Variants in TRIP12 observed in about 807,000 individuals in gnomAD.
TRIP12 encodes the protein E3 ubiquitin-protein ligase TRIP12.
Under a neutral mutation model 244.2 loss-of-function variants are expected in TRIP12, and 25 were observed. The ratio of observed to expected loss-of-function variants is 0.10; its 90% CI spans 0.07 to 0.14. The LOEUF (loss-of-function observed/expected upper bound fraction) is 0.14. TRIP12 is among the 10% of genes least tolerant of loss of function. TRIP12 has a pLI of 1.00. For missense variants in TRIP12, 1,677 were observed against 2,486.4 expected (o/e 0.67, Z 6.92); for synonymous variants, 905 against 873.1 (o/e 1.04, Z -0.64).
chr2:229,813,798 A>T, intron 13 of TRIP12, 72 bp downstream of exon 13: 6 of 1,121,766 alleles, frequency 5.3e-6, no homozygotes, highest in Non-Finnish European at 6.9e-6. Flanking sequence ...AAAATAAAAT[A>T]AAATAAAATA....
Position 229,911,840 on chromosome 2 carries a change from T to G in TRIP12, c.-50+10040A>C, listed in dbSNP as rs115403106. Reference sequence around the variant, plus strand: ...TATTAATTTGTACTTTTTAAAAGTATTTACATATTTATCCCAGAGTCAGTA... The same window carrying G: ...TATTAATTTGTACTTTTTAAAAGTAGTTACATATTTATCCCAGAGTCAGTA... On this transcript the variant is annotated intron_variant, in intron 1 of 41. Coordinates refer to ENST00000675903, the MANE Select transcript of TRIP12 (RefSeq NM_001348323.3). 9.3e-3 allele frequency among the ~76,000 whole-genome samples: 1,421 copies of G among 152,268 alleles called. 13 individuals are homozygous for G. The highest frequency in any genetic ancestry group is 0.016 in the South Asian group (78 of 4,826).
chr2:229,803,374 A>G (rs2044973853), intron 20 of TRIP12, among the ~76,000 whole-genome samples, 197 bp downstream of exon 20: 2 of 152,212 alleles, frequency 1.3e-5, no homozygotes, highest in South Asian at 2.1e-4. Flanking sequence ...TTGGCCTCCC[A>G]AAGTGCTGGG....
At chr2:229,911,806 A>G (rs968603049) in intron 1 of TRIP12, among the ~76,000 whole-genome samples, 1 of 152,202 alleles carries the variant, frequency 6.6e-6, no homozygotes, top group African/African-American at 2.4e-5. Context: ...ATTTGATTAA[A>G]CTATGTAATA....
chr2:229,864,801 T>C (rs1334093588), intron 2 of TRIP12, among the ~76,000 whole-genome samples: 2 of 152,154 alleles, frequency 1.3e-5, no homozygotes, highest in South Asian at 2.1e-4. Flanking sequence ...CTCTGGGTTA[T>C]GTGCTTTCAA....
intron 29 of TRIP12, 89 bp downstream of exon 29, chr2:229,791,777 A>T: frequency 7.1e-7 from 1 of 1,416,668 alleles, no homozygotes; most frequent in Non-Finnish European, 9.7e-7. Context: ...ATCCTTATGA[A>T]AGCCAGCCAT....
rs190628195 is a variant in TRIP12 at position 229,778,047 on chromosome 2, T to A, written c.5364+386A>T. 2.6e-5 allele frequency among the ~76,000 whole-genome samples: 4 copies of A among 152,322 alleles called. No homozygotes were observed. The highest frequency in any genetic ancestry group is 9.6e-5 in the African/African-American group (4 of 41,576). On this transcript the variant is annotated intron_variant, in intron 36 of 41. Transcript: ENST00000675903. The surrounding 1 kb of genome is among the most constrained non-coding windows in gnomAD (Gnocchi z 4.1). ...TTATTTTCACAACAGCACTCTAATG[T>A]AAATTTAATGAAGTTTAGTTACATG...
At position 229,858,989 on chromosome 2, in the gene TRIP12, C is replaced by G; in HGVS notation, c.810G>C (p.Gln270His). The G allele has an allele frequency of 1.2e-6, 2 of 1,614,204 alleles. No individual in the cohort carries two copies. The highest frequency in any genetic ancestry group is 1.7e-6 in the Non-Finnish European group (2 of 1,180,046). The change falls in exon 4 of 42, where the codon CAG (glutamine) becomes CAC (histidine). Residue 270 changes from glutamine to histidine, a missense_variant. This residue lies in a region of TRIP12 where 387 missense variants were observed against 392.6 expected (regional missense o/e 0.99). Coordinates refer to ENST00000675903, the MANE Select transcript of TRIP12 (RefSeq NM_001348323.3). ...CTGAACGGGAACGCCTGGCCTTGTT[C>G]TGATCTTTTCCTTGTTTCACTCTGG... ...PGARVKQGKD[Q>H]NKARRSRSAS...
At chr2:229,826,652 T>C (rs1380428015) in intron 8 of TRIP12, among the ~76,000 whole-genome samples, 1 of 152,222 alleles carries the variant, frequency 6.6e-6, no homozygotes, top group African/African-American at 2.4e-5. Flanking sequence ...TACAGCCTAC[T>C]ACACACCTAG....
Position 229,858,835 on chromosome 2 carries a change from G to T in TRIP12, c.964C>A (p.Pro322Thr), listed in dbSNP as rs138526427. 9.9e-6 allele frequency: 16 copies of T among 1,613,958 alleles called. No individual in the cohort carries two copies. Among genetic ancestry groups the T allele is most frequent in the Non-Finnish European group, 1.4e-5 (16 of 1,179,966 alleles). The change falls in exon 4 of 42, where the codon CCA becomes ACA. Residue 322 changes from proline to threonine, a missense_variant. By Grantham distance (38) the Pro-to-Thr change is conservative. Coordinates refer to ENST00000675903, the MANE Select transcript of TRIP12 (RefSeq NM_001348323.3). ...GATGTCTCTGACTTAGAAGACCCTG[G>T]AAGAGACAGTTTTGTTTTAGGAAGG... Reference protein sequence around the residue: ...VSLPKTKLSLPGSSKSETSKP... With the variant: ...VSLPKTKLSLTGSSKSETSKP...
chr2:229,888,735 G>C (rs933579715), intron 1 of TRIP12, among the ~76,000 whole-genome samples: 2 of 152,100 alleles, frequency 1.3e-5, no homozygotes, highest in Non-Finnish European at 2.9e-5. Flanking sequence ...CCCAGGATGC[G>C]GAGGTTGCAG....
intron 2 of TRIP12, among the ~76,000 whole-genome samples, chr2:229,871,285 C>G (rs1335359267): frequency 6.6e-6 from 1 of 152,066 alleles, no homozygotes; most frequent in Non-Finnish European, 1.5e-5. Flanking sequence ...GGTTTCTTCC[C>G]AATTTTCTTT....
chr2:229,768,507 A>T lies in TRIP12; in HGVS notation c.6007+109T>A, dbSNP rs79555909. ...TACTATAATGATACTGGAATAACTA[A>T]GAGGCACTGCAAGTGAGATAAAGAA... On this transcript the variant is annotated intron_variant, in intron 41 of 41. Coordinates refer to ENST00000675903, the MANE Select transcript of TRIP12 (RefSeq NM_001348323.3). 4.1e-3 allele frequency: 3,801 copies of T among 919,188 alleles called. 100 individuals are homozygous for T. The African/African-American group carries it at 0.058, about 14-fold the overall frequency. 56.9% of individuals were successfully genotyped at this position (919,188 alleles called of 1,614,324 possible).
intron 2 of TRIP12, among the ~76,000 whole-genome samples, chr2:229,861,204 A>G (rs1031227878): frequency 6.6e-6 from 1 of 152,234 alleles, no homozygotes; most frequent in Non-Finnish European, 1.5e-5. Flanking sequence ...AAACATTCAA[A>G]TAATTCCATG....
At chr2:229,892,742 T>C (rs1286375603) in intron 1 of TRIP12, among the ~76,000 whole-genome samples, 2 of 152,050 alleles carry the variant, frequency 1.3e-5, no homozygotes, top group East Asian at 3.9e-4. Context: ...AGTGCGCATC[T>C]CTAGTCCCAG....
Position 229,797,842 on chromosome 2 carries a change from CA to C in TRIP12, c.3483-12del. The C allele has an allele frequency of 6.2e-7, 1 of 1,607,400 alleles. No homozygotes were observed. The highest frequency in any genetic ancestry group is 8.5e-7 in the Non-Finnish European group (1 of 1,177,594). On this transcript the variant is annotated splice_polypyrimidine_tract_variant and intron_variant, in intron 23 of 41. Coordinates refer to ENST00000675903, the MANE Select transcript of TRIP12 (RefSeq NM_001348323.3). Reference sequence around the variant, plus strand: ...CCTTTAATTTTTTCTCTACAAGAAACAAAAAGGAGATATTAAAGTCCCAGTG... The same window carrying C: ...CCTTTAATTTTTTCTCTACAAGAAACAAAAGGAGATATTAAAGTCCCAGTG...
intron 37 of TRIP12, among the ~76,000 whole-genome samples, chr2:229,774,843 A>C (rs1056128013): frequency 6.6e-6 from 1 of 152,122 alleles, no homozygotes; most frequent in Non-Finnish European, 1.5e-5. Flanking sequence ...AAAAAAAAAA[A>C]AGTTCCAAGA....
At chr2:229,772,246 A>G (rs970175700) in intron 38 of TRIP12, among the ~76,000 whole-genome samples, 3 of 152,216 alleles carry the variant, frequency 2.0e-5, no homozygotes, top group African/African-American at 7.2e-5. Flanking sequence ...TTCAGATAAA[A>G]ATGAAAACAT....
intron 1 of TRIP12, among the ~76,000 whole-genome samples, chr2:229,910,809 G>GT (rs1243844851): frequency 6.6e-6 from 1 of 152,194 alleles, no homozygotes; most frequent in African/African-American, 2.4e-5. Flanking sequence ...TAACAGTCTA[G>GT]TTTTCTGAAA....
chr2:229,851,735 C>T (rs1444903256), intron 4 of TRIP12, among the ~76,000 whole-genome samples: 1 of 152,038 alleles, frequency 6.6e-6, no homozygotes, highest in Non-Finnish European at 1.5e-5. Flanking sequence ...GACGTGCTGC[C>T]TTAAGAACTG....
Sources: allele counts gnomAD v4.1 joint callset (sites outside exome capture counted in the v4.1 genomes callset), GRCh38; gene constraint gnomAD v4.1.1; regional missense constraint gnomAD v4.1.1; non-coding constraint Gnocchi (gnomAD v3.1); transcripts MANE v1.5; gene names NCBI Gene and HGNC (gene_info 2026-07-23, HGNC 2026-07-21).